The following THSD7A variants were observed in gnomAD, a reference collection of about 807,000 sequenced individuals.
THSD7A encodes thrombospondin type 1 domain containing 7A.
THSD7A carries 96 observed loss-of-function variants against 231.3 expected under a neutral mutation model. The observed-to-expected ratio is 0.41, with a 90% CI of 0.35 to 0.49. THSD7A has a LOEUF of 0.49. Among genes scored for constraint, THSD7A ranks in the 20% least tolerant of loss-of-function variants. The pLI is 0.05. For synonymous variants in THSD7A, 940 were observed against 743.3 expected (o/e 1.26, Z -4.30); for missense variants, 2,290 against 2,070.2 (o/e 1.11, Z -2.06).
chr7:11,395,422 T>C (rs1410992084), intron 23 of THSD7A, among the ~76,000 whole-genome samples: 1 of 152,076 alleles, frequency 6.6e-6, no homozygotes, highest in Non-Finnish European at 1.5e-5. Flanking sequence ...ATGAGACAGA[T>C]AATTAATAAG....
chr7:11,725,627 T>G (rs1385809972), intron 1 of THSD7A, among the ~76,000 whole-genome samples: 4 of 152,052 alleles, frequency 2.6e-5, no homozygotes, highest in Non-Finnish European at 5.9e-5. Context: ...TAAAATAAAC[T>G]GTCATGTATT....
At chr7:11,419,650 G>A (rs1784076735) in intron 16 of THSD7A, among the ~76,000 whole-genome samples, 1 of 152,196 alleles carries the variant, frequency 6.6e-6, no homozygotes, top group African/African-American at 2.4e-5. Flanking sequence ...AAGCAGCTAA[G>A]GAACTGGGTA....
chr7:11,521,355 A>C (rs1461569942), intron 6 of THSD7A, among the ~76,000 whole-genome samples: 2 of 152,114 alleles, frequency 1.3e-5, no homozygotes, highest in Admixed American at 6.5e-5. Flanking sequence ...CTTTGTGACC[A>C]CTAATTTTAA....
intron 2 of THSD7A, among the ~76,000 whole-genome samples, chr7:11,599,126 T>A (rs1396012338): frequency 1.3e-5 from 2 of 151,798 alleles, no homozygotes; most frequent in Non-Finnish European, 2.9e-5. Context: ...GGAAGGAAAG[T>A]GGATAGGATA....
intron 2 of THSD7A, among the ~76,000 whole-genome samples, chr7:11,624,889 C>T (rs896613386): frequency 6.6e-6 from 1 of 152,002 alleles, no homozygotes; most frequent in African/African-American, 2.4e-5. Context: ...TTCTCCTTCA[C>T]CTATTTTGTA....
rs567725645 is a variant in THSD7A, at chr7:11,648,534, C to G, written c.191-11573G>C. On this transcript the variant is annotated intron_variant, in intron 1 of 27. Transcript: ENST00000423059. ...CTTACCAAATACTTTATTTGGTGGG[C>G]TTCATTATATCTAGCTTAGAATAGA... is the stretch of plus-strand genomic sequence containing the variant. Among the ~76,000 whole-genome samples the G allele has an allele frequency of 1.3e-4, 20 of 151,714 alleles. No homozygotes were observed. In the East Asian group the frequency reaches 3.7e-3, roughly 28 times the overall value.
intron 1 of THSD7A, among the ~76,000 whole-genome samples, chr7:11,702,997 C>A (rs1780652057): frequency 6.6e-6 from 1 of 151,242 alleles, no homozygotes; most frequent in South Asian, 2.1e-4. Flanking sequence ...TGGAAACTCT[C>A]TGAAGAAGAA....
intron 1 of THSD7A, among the ~76,000 whole-genome samples, chr7:11,665,928 T>G (rs1783112908): frequency 6.6e-6 from 1 of 152,160 alleles, no homozygotes; most frequent in Admixed American, 6.6e-5. Context: ...CCTCCCCTGC[T>G]CAGGGCTTTA....
chr7:11,699,112 G>T (rs2128144089), intron 1 of THSD7A, among the ~76,000 whole-genome samples: 1 of 150,698 alleles, frequency 6.6e-6, no homozygotes, highest in Middle Eastern at 3.4e-3. Context: ...ATACAAATAA[G>T]ATAGTGTGAC....
rs1452998784 is a variant in THSD7A, at chr7:11,664,641, T to A, written c.191-27680A>T. Among the ~76,000 whole-genome samples, 5 of 151,916 alleles carry A rather than the reference T, an allele frequency of 3.3e-5. No individual in the cohort carries two copies. In the East Asian group the frequency reaches 7.7e-4, roughly 24 times the overall value. ...GTAATCAGCTTTGCACATAGGAACA[T>A]AAAAGATGACAGATACATACTTTCC... is the stretch of plus-strand genomic sequence containing the variant. On this transcript the variant is annotated intron_variant, in intron 1 of 27. Transcript: ENST00000423059.
chr7:11,532,314 T>A (rs1788741620), intron 6 of THSD7A, among the ~76,000 whole-genome samples: 1 of 151,946 alleles, frequency 6.6e-6, no homozygotes, highest in African/African-American at 2.4e-5. Context: ...ACACAAAAAA[T>A]TAAGTTTGGG....
chr7:11,830,371 TG>T (rs1785158549), intron 1 of THSD7A, among the ~76,000 whole-genome samples: 1 of 152,270 alleles, frequency 6.6e-6, no homozygotes, highest in South Asian at 2.1e-4. Flanking sequence ...TACCATTTAA[TG>T]GTAAATTATA....
At chr7:11,476,014 C>A (rs17555842) in intron 7 of THSD7A, among the ~76,000 whole-genome samples, 3,026 of 144,420 alleles carry the variant, frequency 0.021, 43 homozygotes, top group Admixed American at 0.043. Flanking sequence ...CCAGTGGGAA[C>A]CATTTAAAAA....
intron 23 of THSD7A, among the ~76,000 whole-genome samples, chr7:11,399,213 T>C (rs565424797): frequency 6.6e-6 from 1 of 152,338 alleles, no homozygotes; most frequent in East Asian, 1.9e-4. Context: ...TTTCATAGGT[T>C]TGAAAATAGT....
At chr7:11,800,571 A>G (rs1482617409) in intron 1 of THSD7A, among the ~76,000 whole-genome samples, 1 of 152,138 alleles carries the variant, frequency 6.6e-6, no homozygotes, top group Non-Finnish European at 1.5e-5. Flanking sequence ...AAAATATCGT[A>G]TTTGTAATAA....
chr7:11,592,753 A>G (rs1780214338), intron 3 of THSD7A, among the ~76,000 whole-genome samples: 1 of 152,216 alleles, frequency 6.6e-6, no homozygotes, highest in Admixed American at 6.5e-5. Flanking sequence ...TGTTATACAA[A>G]GTACTGAATT....
chr7:11,562,495 T>C (rs1236735702), intron 4 of THSD7A, among the ~76,000 whole-genome samples: 22 of 152,186 alleles, frequency 1.4e-4, no homozygotes, highest in Admixed American at 1.4e-3. Context: ...TTTTTTTCCA[T>C]TGTCATCCCT....
At chr7:11,423,846 A>G (rs1784231540) in intron 16 of THSD7A, among the ~76,000 whole-genome samples, 2 of 152,340 alleles carry the variant, frequency 1.3e-5, no homozygotes, top group South Asian at 4.1e-4. Context: ...ATAGAGTTCT[A>G]GAGCCCTTAA....
chr7:11,643,624 G>T (rs1584135812), intron 1 of THSD7A, among the ~76,000 whole-genome samples: 2 of 128,482 alleles, frequency 1.6e-5, no homozygotes, highest in African/African-American at 6.0e-5. Context: ...CACACACACA[G>T]ATTGAACCTT....
Sources: allele counts gnomAD v4.1 joint callset (sites outside exome capture counted in the v4.1 genomes callset), GRCh38; gene constraint gnomAD v4.1.1; transcripts MANE v1.5; gene names NCBI Gene and HGNC (gene_info 2026-07-23, HGNC 2026-07-21).